The following KLHL2 variants were observed in gnomAD, a reference collection of about 807,000 sequenced individuals.
KLHL2 encodes the protein kelch-like protein 2.
Under a neutral mutation model 75.8 loss-of-function variants are expected in KLHL2, and 15 were observed. That is an observed-to-expected ratio of 0.20 (90% CI 0.13 to 0.30). The LOEUF (loss-of-function observed/expected upper bound fraction) is 0.30, where lower values mean the gene tolerates loss of function less well. KLHL2 is among the 10% of genes least tolerant of loss of function. The pLI is 1.00. For synonymous variants in KLHL2, 214 were observed against 251.9 expected (o/e 0.85, Z 1.42); for missense variants, 381 against 741.0 (o/e 0.51, Z 5.64).
At chr4:165,221,299 G>C (rs1737970738) in intron 2 of KLHL2, among the ~76,000 whole-genome samples, 1 of 152,208 alleles carries the variant, frequency 6.6e-6, no homozygotes, top group Non-Finnish European at 1.5e-5. Flanking sequence ...GTGCTAGAAA[G>C]GTGGATAACA....
At chr4:165,263,805 G>GTTTTTTTTTTTTTTTTTTTTTTTTTATT (rs55901119) in intron 5 of KLHL2, among the ~76,000 whole-genome samples, 1 of 66,480 alleles carries the variant, frequency 1.5e-5, no homozygotes. Context: ...TTTTTACATT[G>GTTTTTTTTTTTTTTTTTTTTTTTTTATT]TTTTTTTTTT....
intron 5 of KLHL2, among the ~76,000 whole-genome samples, chr4:165,289,169 C>G (rs1445768323): frequency 2.6e-5 from 4 of 152,104 alleles, no homozygotes; most frequent in African/African-American, 9.7e-5. Context: ...TCAGTAAATA[C>G]TGTAGAACAC....
At position 165,207,814 on chromosome 4, in the gene KLHL2, C is replaced by T. The variant is rs1054192462; in HGVS notation, c.-63C>T. ...GGCGGGCGGGCAGTGCCGGCGTCCG[C>T]GGCTGGAATGGTGCTGGCTGTGTTG... On this transcript the variant is annotated 5_prime_UTR_variant, in exon 1 of 15. Coordinates refer to ENST00000226725, the MANE Select transcript of KLHL2 (RefSeq NM_007246.4). This position sits in a 1 kb window ranked among gnomAD's most constrained non-coding sequence, Gnocchi z 4.2. 18 of 1,389,770 alleles carry T rather than the reference C, an allele frequency of 1.3e-5. No individual in the cohort carries two copies. The highest frequency in any genetic ancestry group is 1.6e-5 in the Non-Finnish European group (17 of 1,054,112). The allele number at this position is 1,389,770 out of a possible 1,614,324, so 86.1% of individuals were successfully genotyped here.
intron 14 of KLHL2, chr4:165,321,376 G>C (rs1579202664): frequency 2.2e-6 from 1 of 447,498 alleles, no homozygotes; most frequent in Non-Finnish European, 4.5e-6. Context: ...TTAATGAATA[G>C]TAAATATAGT....
At position 165,253,055 on chromosome 4, in the gene KLHL2, G is replaced by A. The variant is rs184665962; in HGVS notation, c.382-10142G>A. On this transcript the variant is annotated intron_variant, in intron 4 of 14. Transcript: ENST00000226725. ...TTTTTATTTTTTATTTTTTTGAGAC[G>A]GAGTCTCGCTCTGTTGCCCAGGCTG... Among the ~76,000 whole-genome samples, 23 of 152,032 alleles carry A rather than the reference G, an allele frequency of 1.5e-4. 1 individual carries two copies. The highest frequency in any genetic ancestry group is 1.4e-3 in the Admixed American group (21 of 15,288).
At chr4:165,211,883 A>C (rs1370521475) in intron 1 of KLHL2, among the ~76,000 whole-genome samples, 1 of 152,228 alleles carries the variant, frequency 6.6e-6, no homozygotes, top group Non-Finnish European at 1.5e-5. Flanking sequence ...TCTGATGTAC[A>C]TGGTAGGCAT....
At chr4:165,314,634 A>C (rs1746466359) in intron 13 of KLHL2, among the ~76,000 whole-genome samples, 1 of 152,172 alleles carries the variant, frequency 6.6e-6, no homozygotes, top group African/African-American at 2.4e-5. Context: ...GAAGTCTGCA[A>C]AGGTAACCCT....
intron 5 of KLHL2, among the ~76,000 whole-genome samples, chr4:165,268,267 C>G (rs1439620278): frequency 7.9e-5 from 12 of 152,120 alleles, no homozygotes; most frequent in Non-Finnish European, 1.0e-4. Flanking sequence ...AAACCACCTC[C>G]TGGATTCATT....
At chr4:165,277,555 C>A (rs1356847466) in intron 5 of KLHL2, among the ~76,000 whole-genome samples, 1 of 152,170 alleles carries the variant, frequency 6.6e-6, no homozygotes, top group East Asian at 1.9e-4. Context: ...TTAGTAATAA[C>A]CTTTTAATCA....
At chr4:165,242,623 A>G (rs1428740988) in intron 4 of KLHL2, among the ~76,000 whole-genome samples, 1 of 151,994 alleles carries the variant, frequency 6.6e-6, no homozygotes, top group Non-Finnish European at 1.5e-5. Context: ...CAGCCTTCCA[A>G]GTAGCTGGGA....
At chr4:165,311,745 CA>C (rs1207025509) in intron 11 of KLHL2, among the ~76,000 whole-genome samples, 180 bp downstream of exon 11, 1 of 150,122 alleles carries the variant, frequency 6.7e-6, no homozygotes, top group African/African-American at 2.4e-5. Context: ...CTATATAAAT[CA>C]ACCTATATAA....
At chr4:165,273,820 T>C (rs1463569218) in intron 5 of KLHL2, among the ~76,000 whole-genome samples, 3 of 152,368 alleles carry the variant, frequency 2.0e-5, no homozygotes, top group African/African-American at 7.2e-5. Context: ...AGTGAAACTA[T>C]CTGATTGTTC....
chr4:165,268,306 G>A (rs533178436), intron 5 of KLHL2, among the ~76,000 whole-genome samples: 4 of 151,686 alleles, frequency 2.6e-5, no homozygotes. Flanking sequence ...TTGTGTCTCT[G>A]TCTCCTTCAG....
chr4:165,207,844 G>A lies in KLHL2; in HGVS notation c.-33G>A. On this transcript the variant is annotated 5_prime_UTR_variant, in exon 1 of 15. The change creates a new upstream start codon in the 5' untranslated region. Coordinates refer to ENST00000226725, the MANE Select transcript of KLHL2 (RefSeq NM_007246.4). The surrounding 1 kb of genome is among the most constrained non-coding windows in gnomAD (Gnocchi z 4.2). The stretch of plus-strand genomic sequence containing the variant: ...GGAATGGTGCTGGCTGTGTTGGTCG[G>A]TGCCTGCGTTCTGAAGCCCGAGAGG... 1 of 1,447,614 alleles carries A rather than the reference G, an allele frequency of 6.9e-7. No individual in the cohort carries two copies. Among genetic ancestry groups the A allele is most frequent in the Admixed American group, 2.4e-5 (1 of 41,610 alleles). The allele number at this position is 1,447,614 out of a possible 1,614,324, so 89.7% of individuals were successfully genotyped here.
chr4:165,277,783 A>ACACC (rs1743256204), intron 5 of KLHL2: 1 of 598,252 alleles, frequency 1.7e-6, no homozygotes, highest in African/African-American at 1.9e-5. Context: ...ACACACACAC[A>ACACC]CACCAAATAT....
intron 5 of KLHL2, among the ~76,000 whole-genome samples, chr4:165,266,484 A>G (rs1196446687): frequency 1.3e-5 from 2 of 152,072 alleles, no homozygotes; most frequent in Non-Finnish European, 2.9e-5. Context: ...ACTCATCTTG[A>G]GTTAATTTTT....
chr4:165,279,076 G>A (rs770946858), intron 5 of KLHL2: 3 of 1,537,944 alleles, frequency 2.0e-6, no homozygotes, highest in South Asian at 1.1e-5. Context: ...CACCTCCATT[G>A]ACGCCTCCTG....
At chr4:165,308,960 G>C (rs1296802011) in intron 9 of KLHL2, among the ~76,000 whole-genome samples, 1 of 152,120 alleles carries the variant, frequency 6.6e-6, no homozygotes, top group Non-Finnish European at 1.5e-5. Context: ...TTACAGGGGT[G>C]GGGGAATAAA....
chr4:165,272,568 A>G (rs1742780209), intron 5 of KLHL2, among the ~76,000 whole-genome samples: 1 of 152,150 alleles, frequency 6.6e-6, no homozygotes, highest in Non-Finnish European at 1.5e-5. Context: ...TGATTGATAA[A>G]TGTTACTGAC....
Sources: allele counts gnomAD v4.1 joint callset (sites outside exome capture counted in the v4.1 genomes callset), GRCh38; gene constraint gnomAD v4.1.1; non-coding constraint Gnocchi (gnomAD v3.1); transcripts MANE v1.5; gene names NCBI Gene and HGNC (gene_info 2026-07-23, HGNC 2026-07-21).